FAT4: variants seen among roughly 807,000 people sequenced by gnomAD.
FAT4 encodes protocadherin Fat 4.
FAT4 carries 84 observed loss-of-function variants against 303.9 expected under a neutral mutation model. The observed-to-expected ratio is 0.28, with a 90% CI of 0.23 to 0.33. The LOEUF is 0.33. Ranked by LOEUF, FAT4 falls within the 10% of genes least tolerant of loss-of-function variation. The pLI is 1.00. For missense variants in FAT4, 6,005 were observed against 6,146.8 expected (o/e 0.98, Z 0.77); for synonymous variants, 2,307 against 2,298.8 (o/e 1.00, Z -0.10).
chr4:125,324,455 T>C (rs1182925818), intron 2 of FAT4, among the ~76,000 whole-genome samples: 1 of 152,148 alleles, frequency 6.6e-6, no homozygotes, highest in African/African-American at 2.4e-5. Flanking sequence ...GATCAGAACA[T>C]ATGTCTTTAT....
At chr4:125,339,173 C>CT (rs970715081) in intron 2 of FAT4, among the ~76,000 whole-genome samples, 6 of 151,736 alleles carry the variant, frequency 4.0e-5, no homozygotes, top group East Asian at 1.9e-4. Context: ...ACATTATCTC[C>CT]TTTTTTTTGA....
At position 125,491,747 on chromosome 4, in the gene FAT4, G is replaced by A. The variant is rs539634837; in HGVS notation, c.14931G>A (p.Gly4977=). 4.3e-6 allele frequency: 7 copies of A among 1,612,858 alleles called. No individual in the cohort carries two copies. The highest frequency in any genetic ancestry group is 2.2e-5 in the South Asian group (2 of 90,938). ...AGTTKPVPKD[G]EAEQYV ...CAACTAAACCAGTCCCCAAAGATGG[G>A]GAAGCAGAACAGTATGTGTGAAGTT... Residue 4977 remains glycine, a synonymous_variant, in exon 18 of 18, where the codon GGG becomes GGA. Coordinates refer to ENST00000394329, the MANE Select transcript of FAT4 (RefSeq NM_001291303.3).
Position 125,318,936 on chromosome 4 carries a change from A to G in FAT4, c.2525A>G (p.Asn842Ser), listed in dbSNP as rs746248680. 1 of 1,614,204 alleles carries G rather than the reference A, an allele frequency of 6.2e-7. No homozygotes were observed. The highest frequency in any genetic ancestry group is 8.5e-7 in the Non-Finnish European group (1 of 1,180,042). The change falls in exon 2 of 18, where the codon AAC becomes AGC. Residue 842 changes from asparagine to serine, a missense_variant. Transcript: ENST00000394329. ...TGDQKGMFAI[N>S]QVTGQLTTAN... ...GATCAGAAAGGTATGTTTGCTATCA[A>G]CCAGGTCACTGGGCAGCTTACCACA... is the stretch of plus-strand genomic sequence containing the variant.
chr4:125,459,627 G>A (rs944599005), intron 10 of FAT4, among the ~76,000 whole-genome samples: 1 of 152,016 alleles, frequency 6.6e-6, no homozygotes, highest in African/African-American at 2.4e-5. Context: ...AGCTGCTATG[G>A]CAGTAAACAT....
intron 2 of FAT4, among the ~76,000 whole-genome samples, chr4:125,329,664 C>A (rs1383153188): frequency 6.6e-6 from 1 of 152,112 alleles, no homozygotes; most frequent in East Asian, 1.9e-4. Context: ...CTTTTCTGAA[C>A]CCTACATTCG....
intron 12 of FAT4, among the ~76,000 whole-genome samples, chr4:125,472,125 A>C (rs145661446): frequency 6.6e-6 from 1 of 151,432 alleles, no homozygotes; most frequent in African/African-American, 2.4e-5. Context: ...TTCACCCTAG[A>C]TAAAGGAATT....
intron 3 of FAT4, among the ~76,000 whole-genome samples, chr4:125,405,880 A>G (rs1356834873): frequency 2.0e-5 from 3 of 152,162 alleles, no homozygotes; most frequent in Non-Finnish European, 4.4e-5. Flanking sequence ...GGATTACCAA[A>G]CTTAATAGCT....
Position 125,450,438 on chromosome 4 carries a change from C to T in FAT4, c.9428C>T (p.Ser3143Phe), listed in dbSNP as rs1300374653. 2 of 1,614,050 alleles carry T rather than the reference C, an allele frequency of 1.2e-6. No individual in the cohort carries two copies. Among genetic ancestry groups the T allele is most frequent in the Middle Eastern group, 1.6e-4 (1 of 6,062 alleles). Reference sequence around the variant, plus strand: ...GAAGAAGGCATTTTTGCAATCAATTCTTCTACAGGTATATTAACACTAGCC... The same window carrying T: ...GAAGAAGGCATTTTTGCAATCAATTTTTCTACAGGTATATTAACACTAGCC... ...GNEEGIFAIN[S>F]STGILTLAKA... The change falls in exon 10 of 18, where the codon TCT becomes TTT. Residue 3143 changes from serine (S) to phenylalanine (F), a missense_variant. Physicochemically the swap from Ser to Phe is radical, Grantham distance 155 (BLOSUM62 -2). Transcript: ENST00000394329.
chr4:125,323,995 G>A (rs1731054076), intron 2 of FAT4, among the ~76,000 whole-genome samples: 1 of 152,118 alleles, frequency 6.6e-6, no homozygotes, highest in Admixed American at 6.6e-5. Context: ...GGGGTAAGAG[G>A]CTAATGACTA....
intron 2 of FAT4, among the ~76,000 whole-genome samples, chr4:125,327,935 T>G (rs1428539311): frequency 6.6e-6 from 1 of 152,126 alleles, no homozygotes; most frequent in Non-Finnish European, 1.5e-5. Flanking sequence ...GTTGCATTAG[T>G]GACTGTAGCA....
intron 2 of FAT4, among the ~76,000 whole-genome samples, chr4:125,354,559 A>G (rs2710563): frequency 0.071 from 10,819 of 151,786 alleles, 486 homozygotes; most frequent in East Asian, 0.19. Context: ...TTAAACAATG[A>G]TAGGGTTTGC....
At chr4:125,341,577 A>G (rs1300972841) in intron 2 of FAT4, among the ~76,000 whole-genome samples, 1 of 152,166 alleles carries the variant, frequency 6.6e-6, no homozygotes, top group East Asian at 1.9e-4. Flanking sequence ...ACATCTTTTT[A>G]AAGTTCTGAC....
Position 125,448,736 on chromosome 4 carries a change from T to A in FAT4, c.7726T>A (p.Phe2576Ile). Residue 2576 changes from phenylalanine to isoleucine, a missense_variant, in exon 10 of 18, where the codon TTC (phenylalanine) becomes ATC (isoleucine). Coordinates refer to ENST00000394329, the MANE Select transcript of FAT4 (RefSeq NM_001291303.3). ...FPKVRAKEQTFMFPENQPVSS... is the reference protein window; with the variant it reads ...FPKVRAKEQTIMFPENQPVSS... ...TAAAGTGAGAGCCAAAGAACAAACG[T>A]TCATGTTTCCTGAAAACCAACCAGT... 6.2e-7 allele frequency: 1 copy of A among 1,613,538 alleles called. No individual in the cohort carries two copies. The highest frequency in any genetic ancestry group is 1.3e-5 in the African/African-American group (1 of 75,014).
rs751707791 is a variant in FAT4, at chr4:125,451,255, C to G, written c.10245C>G (p.Ile3415Met). The G allele has an allele frequency of 1.5e-5, 24 of 1,614,094 alleles. 1 individual carries two copies. In the South Asian group the frequency reaches 2.6e-4, roughly 18 times the overall value. Residue 3415 changes from isoleucine to methionine, a missense_variant, in exon 10 of 18, where the codon ATC becomes ATG. Physicochemically the swap from Ile to Met is conservative, Grantham distance 10. Coordinates refer to ENST00000394329, the MANE Select transcript of FAT4 (RefSeq NM_001291303.3). ...CTCTAAACATCTACAGTGTGCAGAT[C>G]AGTGAAGGGGTCCCAATAGGAACTC... Reference protein sequence around the residue: ...IFTLNIYSVQISEGVPIGTHV... With the variant: ...IFTLNIYSVQMSEGVPIGTHV...
At chr4:125,404,531 A>G (rs1435826535) in intron 3 of FAT4, among the ~76,000 whole-genome samples, 1 of 152,142 alleles carries the variant, frequency 6.6e-6, no homozygotes, top group Non-Finnish European at 1.5e-5. Flanking sequence ...ATGACTGTAA[A>G]ATATTGTATT....
chr4:125,375,681 G>A (rs1180534819), intron 2 of FAT4, among the ~76,000 whole-genome samples: 11 of 152,096 alleles, frequency 7.2e-5, no homozygotes, highest in Non-Finnish European at 1.5e-5. Flanking sequence ...GGTTCCAAAG[G>A]CATTCATGAC....
rs2126076218 is a variant in FAT4 at position 125,468,649 on chromosome 4, T to C, written c.12043T>C (p.Tyr4015His). The change falls in exon 12 of 18, where the codon TAC becomes CAC. Residue 4015 changes from tyrosine to histidine, a missense_variant. Transcript: ENST00000394329. ...ATIKSHALLL[Y>H]NYDNQTGDRA... is the part of the protein sequence containing the mutation. ...GATTAAAAGTCATGCCTTATTGCTT[T>C]ACAACTATGACAACCAGACAGGCGA... 3.7e-6 allele frequency: 6 copies of C among 1,614,152 alleles called. No individual in the cohort carries two copies. The highest frequency in any genetic ancestry group is 5.1e-6 in the Non-Finnish European group (6 of 1,180,024).
intron 2 of FAT4, among the ~76,000 whole-genome samples, chr4:125,335,666 C>A (rs1578533820): frequency 6.6e-6 from 1 of 151,498 alleles, no homozygotes; most frequent in Admixed American, 6.6e-5. Context: ...ATGTGTATTT[C>A]ATTTTTTTTT....
intron 2 of FAT4, among the ~76,000 whole-genome samples, chr4:125,380,884 G>T (rs2125998653): frequency 6.6e-6 from 1 of 152,160 alleles, no homozygotes; most frequent in African/African-American, 2.4e-5. Context: ...TTATATTTCA[G>T]GGCAGGAAAA....
Sources: gnomAD v4.1 joint callset for allele counts (sites outside exome capture counted in the v4.1 genomes callset) on GRCh38, gnomAD v4.1.1 for gene constraint, MANE v1.5 for transcripts, NCBI Gene and HGNC (gene_info 2026-07-23, HGNC 2026-07-21) for gene names.